SYCP2: variants seen among roughly 807,000 people sequenced by gnomAD.
SYCP2 encodes synaptonemal complex protein 2.
A neutral mutation model predicts 211.3 loss-of-function variants in SYCP2; 55 were observed. That is an observed-to-expected ratio of 0.26 (90% CI 0.21 to 0.33). SYCP2 has a LOEUF of 0.33. Among genes scored for constraint, SYCP2 ranks in the 10% least tolerant of loss-of-function variants. The pLI, the probability that SYCP2 is intolerant of heterozygous loss-of-function variation, is 1.00. For synonymous variants in SYCP2, 570 were observed against 555.2 expected, an observed-to-expected ratio of 1.03 and a Z score of -0.37; for missense variants, 1,731 against 1,752.0, an observed-to-expected ratio of 0.99 and a Z score of 0.21.
intron 14 of SYCP2, among the ~76,000 whole-genome samples, chr20:59,908,838 A>G (rs893210745): frequency 6.6e-6 from 1 of 152,044 alleles, no homozygotes; most frequent in African/African-American, 2.4e-5. Context: ...CTTCACCATC[A>G]ATTTATGAAA....
chr20:59,894,273 T>C (rs1031617588), intron 20 of SYCP2, among the ~76,000 whole-genome samples: 3 of 152,024 alleles, frequency 2.0e-5, no homozygotes, highest in African/African-American at 7.2e-5. Context: ...TATGCAGGTG[T>C]GGTTTGGGTT....
rs369909951 is a variant in SYCP2 at position 59,875,457 on chromosome 20, G to A, written c.3163C>T (p.His1055Tyr). Reference protein sequence around the residue: ...ENIPVKEENIHSRMKTVKLPK... With the variant: ...ENIPVKEENIYSRMKTVKLPK... Reference sequence around the variant, plus strand: ...AGCTTTACCGTTTTCATTCTGGAATGGATATTCTCCTCCTAAATGTATCAA... The same window carrying A: ...AGCTTTACCGTTTTCATTCTGGAATAGATATTCTCCTCCTAAATGTATCAA... Residue 1055 changes from histidine to tyrosine, a missense_variant, in exon 34 of 45, where the codon CAT becomes TAT. Coordinates refer to ENST00000357552, the MANE Select transcript of SYCP2 (RefSeq NM_014258.4). 107 of 1,609,886 alleles carry A rather than the reference G, an allele frequency of 6.6e-5. No homozygotes were observed. The highest frequency in any genetic ancestry group is 8.4e-5 in the Non-Finnish European group (99 of 1,177,970).
At chr20:59,919,089 T>C (rs1301309001) in intron 7 of SYCP2, 69 bp downstream of exon 7, 2 of 850,738 alleles carry the variant, frequency 2.4e-6, no homozygotes, top group African/African-American at 1.7e-5. Flanking sequence ...ACAATGGGAA[T>C]TGTAAAATTA....
chr20:59,901,199 A>T (rs2060109530), intron 16 of SYCP2, among the ~76,000 whole-genome samples: 1 of 152,062 alleles, frequency 6.6e-6, no homozygotes, highest in South Asian at 2.1e-4. Flanking sequence ...AAAGTATTTT[A>T]TCTAAATGCT....
intron 4 of SYCP2, 112 bp from the exon 5 acceptor site, chr20:59,920,599 G>T: frequency 1.1e-6 from 1 of 900,486 alleles, no homozygotes; most frequent in Non-Finnish European, 1.7e-6. Context: ...CTGAAAGATG[G>T]TCATTTTAAT....
chr20:59,906,577 G>A (rs2060217481), intron 15 of SYCP2, among the ~76,000 whole-genome samples: 1 of 151,964 alleles, frequency 6.6e-6, no homozygotes, highest in Non-Finnish European at 1.5e-5. Flanking sequence ...AAACATAAAA[G>A]CTAAAACTAT....
chr20:59,865,535 T>C lies in SYCP2; in HGVS notation c.4458+38A>G, dbSNP rs773780608. ...TTACATTAACAAATTCTTTTTGTAA[T>C]CAAGAGAGGTAACCTATAAAAAGCA... On this transcript the variant is annotated intron_variant, in intron 43 of 44. Coordinates refer to ENST00000357552, the MANE Select transcript of SYCP2 (RefSeq NM_014258.4). The C allele has an allele frequency of 1.9e-6, 3 of 1,573,790 alleles. No homozygotes were observed. In the South Asian group the frequency reaches 3.5e-5, roughly 18 times the overall value.
intron 38 of SYCP2, 129 bp downstream of exon 38, chr20:59,868,284 T>C: frequency 1.1e-6 from 1 of 908,106 alleles, no homozygotes; most frequent in African/African-American, 1.7e-5. Context: ...AACTTTGCAA[T>C]AAAGCATCAT....
chr20:59,870,026 A>T (rs1042031349), intron 35 of SYCP2, 43 bp from the exon 36 acceptor site: 4 of 1,352,294 alleles, frequency 3.0e-6, no homozygotes, highest in Non-Finnish European at 4.0e-6. Context: ...AAGTTACAAA[A>T]TTGTTCAAAG....
At chr20:59,864,536 TAC>T (rs2059292212) in intron 44 of SYCP2, 148 bp from the exon 45 acceptor site, 1 of 590,918 alleles carries the variant, frequency 1.7e-6, no homozygotes, top group Non-Finnish European at 3.0e-6. Context: ...CTAACAGGTC[TAC>T]AGATATCCAC....
intron 12 of SYCP2, among the ~76,000 whole-genome samples, chr20:59,913,621 G>T (rs1016881980): frequency 6.6e-5 from 10 of 152,042 alleles, no homozygotes; most frequent in African/African-American, 2.4e-4. Flanking sequence ...TAATAAATAT[G>T]TCTAGATTTT....
chr20:59,866,833 C>G (rs2059346762), intron 39 of SYCP2, among the ~76,000 whole-genome samples: 1 of 150,860 alleles, frequency 6.6e-6, no homozygotes, highest in South Asian at 2.1e-4. Context: ...CATAAGAACC[C>G]CACACTCTAC....
At chr20:59,907,083 A>C (rs2060227793) in intron 15 of SYCP2, among the ~76,000 whole-genome samples, 1 of 152,172 alleles carries the variant, frequency 6.6e-6, no homozygotes, top group African/African-American at 2.4e-5. Context: ...GATTTAATCA[A>C]GCAAATGGGA....
Position 59,882,301 on chromosome 20 carries a change from A to G in SYCP2, c.2530-136T>C. 5.9e-6 allele frequency: 4 copies of G among 672,904 alleles called. No homozygotes were observed. The South Asian group carries it at 7.6e-5, about 13-fold the overall frequency. 41.7% of individuals were successfully genotyped at this position (672,904 alleles called of 1,614,324 possible). A position where few individuals can be genotyped will look rare whatever the true frequency, so the allele number is the denominator to read the frequency against. On this transcript the variant is annotated intron_variant, in intron 26 of 44. Transcript: ENST00000357552. The stretch of plus-strand genomic sequence containing the variant: ...AGTTAAAATGGCTTGTACCAAAAAG[A>G]CAGGCAATAACAGATGCTAGTGAGG...
intron 3 of SYCP2, among the ~76,000 whole-genome samples, chr20:59,922,007 A>G (rs900418925): frequency 6.6e-6 from 1 of 151,658 alleles, no homozygotes; most frequent in South Asian, 2.1e-4. Flanking sequence ...CCTGATCACT[A>G]AACAGGTTTG....
At chr20:59,916,207 A>G (rs1321255485) in intron 8 of SYCP2, among the ~76,000 whole-genome samples, 4 of 152,154 alleles carry the variant, frequency 2.6e-5, no homozygotes, top group Non-Finnish European at 4.4e-5. Flanking sequence ...ACACACATAC[A>G]TATACTAATA....
chr20:59,900,815 A>T lies in SYCP2; in HGVS notation c.1186T>A (p.Ser396Thr). The T allele has an allele frequency of 6.2e-7, 1 of 1,607,374 alleles. No individual in the cohort carries two copies. Residue 396 changes from serine (S) to threonine (T), a missense_variant, in exon 17 of 45, where the codon TCT (serine) becomes ACT (threonine). Ser to Thr is a moderately conservative substitution (Grantham distance 58). This residue lies in a region of SYCP2 where 1,387 missense variants were observed against 1,351.3 expected (regional missense o/e 1.03). Transcript: ENST00000357552. ...KIFGATKHRE[S>T]IRKQGISVAK... ...ACTGAAATACCTTGTTTTCTGATAGATTCCTAAAATTAAATCAATTCACAG... is the reference window on the plus strand; with the variant it reads ...ACTGAAATACCTTGTTTTCTGATAGTTTCCTAAAATTAAATCAATTCACAG...
chr20:59,870,073 T>C (rs1372524811), intron 35 of SYCP2, 90 bp from the exon 36 acceptor site: 20 of 847,356 alleles, frequency 2.4e-5, no homozygotes, highest in Non-Finnish European at 5.2e-6. Flanking sequence ...TAAGAAACAT[T>C]AAAGCAAAAC....
At chr20:59,921,975 A>G (rs1369700794) in intron 3 of SYCP2, among the ~76,000 whole-genome samples, 1 of 151,664 alleles carries the variant, frequency 6.6e-6, no homozygotes, top group African/African-American at 2.4e-5. Context: ...AACTTCATTA[A>G]TAACAAATGT....
Sources: gnomAD v4.1 joint callset for allele counts (sites outside exome capture counted in the v4.1 genomes callset) on GRCh38, gnomAD v4.1.1 for gene constraint, gnomAD v4.1.1 regional missense constraint, MANE v1.5 for transcripts, NCBI Gene and HGNC (gene_info 2026-07-23, HGNC 2026-07-21) for gene names.